REDIC1: variants seen among roughly 807,000 people sequenced by gnomAD.
REDIC1 encodes the protein regulator of DNA class I crossover intermediates 1, also known as HEI10 Interacting Protein 1.
At chr12:39,696,685 G>T in the REDIC1 span, among the ~76,000 whole-genome samples, 1 of 148,470 alleles carries the variant, frequency 6.7e-6, no homozygotes, top group Non-Finnish European at 1.5e-5. Flanking sequence ...ATAACAAAGA[G>T]AAGGAATTCA....
the REDIC1 span, among the ~76,000 whole-genome samples, chr12:39,870,484 A>T: frequency 6.6e-6 from 1 of 152,194 alleles, no homozygotes; most frequent in African/African-American, 2.4e-5. Context: ...TTAAGTAAAA[A>T]TCTGTGTCCT....
the REDIC1 span, chr12:39,907,982 C>A: frequency 1.3e-5 from 2 of 152,016 alleles, no homozygotes; most frequent in African/African-American, 2.4e-5. Flanking sequence ...ATGGTGGGAG[C>A]CACATAGGAA....
chr12:39,890,663 T>C, the REDIC1 span, among the ~76,000 whole-genome samples: 1 of 152,184 alleles, frequency 6.6e-6, no homozygotes, highest in Non-Finnish European at 1.5e-5. Context: ...ACTGTATATA[T>C]GTATTGAAAC....
chr12:39,799,362 G>A, the REDIC1 span, among the ~76,000 whole-genome samples: 3 of 146,766 alleles, frequency 2.0e-5, no homozygotes, highest in Non-Finnish European at 3.0e-5. Flanking sequence ...TGCCTACCTC[G>A]ACCTTCCAAA....
the REDIC1 span, among the ~76,000 whole-genome samples, chr12:39,738,082 G>A: frequency 3.9e-5 from 6 of 152,148 alleles, no homozygotes; most frequent in African/African-American, 1.4e-4. Flanking sequence ...ATTAAGATTT[G>A]TAAGAATGAA....
At chr12:39,649,943 T>G in the REDIC1 span, among the ~76,000 whole-genome samples, 1 of 152,006 alleles carries the variant, frequency 6.6e-6, no homozygotes, top group Admixed American at 6.6e-5. Context: ...AAGATCTTGG[T>G]GTCCTGGGTG....
chr12:39,685,849 T>A, the REDIC1 span, among the ~76,000 whole-genome samples: 1 of 152,304 alleles, frequency 6.6e-6, no homozygotes. Context: ...TGGGTAAATA[T>A]TTACATTCCA....
chr12:39,893,312 T>C, the REDIC1 span, among the ~76,000 whole-genome samples: 2 of 152,248 alleles, frequency 1.3e-5, no homozygotes, highest in African/African-American at 2.4e-5. Context: ...TCTTTTCTTT[T>C]CTTTTGAGAT....
At chr12:39,658,462 C>T in the REDIC1 span, among the ~76,000 whole-genome samples, 1 of 152,106 alleles carries the variant, frequency 6.6e-6, no homozygotes, top group South Asian at 2.1e-4. Context: ...GTATTTGGTT[C>T]CCAGAAACTA....
chr12:39,834,467 T>C, the REDIC1 span, among the ~76,000 whole-genome samples: 1 of 152,086 alleles, frequency 6.6e-6, no homozygotes, highest in Non-Finnish European at 1.5e-5. Context: ...AGTTATTTTC[T>C]TCCCTTTATC....
the REDIC1 span, among the ~76,000 whole-genome samples, chr12:39,825,139 A>G: frequency 6.6e-6 from 1 of 152,312 alleles, no homozygotes; most frequent in South Asian, 2.1e-4. Context: ...TTACAGAGCT[A>G]AAGTGCTGTA....
the REDIC1 span, among the ~76,000 whole-genome samples, chr12:39,712,074 CGGTATGTATATATACATACATATA>C: frequency 6.6e-5 from 3 of 45,526 alleles, no homozygotes; most frequent in African/African-American, 1.9e-4. Context: ...GTATATATAC[CGGTATGTATATATACATACATATA>C]TACCTGTATA....
At chr12:39,698,069 T>C in the REDIC1 span, among the ~76,000 whole-genome samples, 21 of 152,092 alleles carry the variant, frequency 1.4e-4, no homozygotes, top group South Asian at 2.9e-3. Flanking sequence ...AAAAAGATAT[T>C]CCAAGCCAAT....
chr12:39,869,000 ATAG>A, the REDIC1 span, among the ~76,000 whole-genome samples: 1 of 152,210 alleles, frequency 6.6e-6, no homozygotes, highest in African/African-American at 2.4e-5. Context: ...AAAATAAATC[ATAG>A]TAAGAACACA....
chr12:39,764,721 CAA>C, the REDIC1 span: 6 of 1,610,598 alleles, frequency 3.7e-6, no homozygotes, highest in Non-Finnish European at 5.1e-6. Context: ...AACAGTATAA[CAA>C]AGTCTTTGTT....
At chr12:39,762,628 C>T in the REDIC1 span, among the ~76,000 whole-genome samples, 1 of 151,820 alleles carries the variant, frequency 6.6e-6, no homozygotes, top group Non-Finnish European at 1.5e-5. Flanking sequence ...AAGGAGGCAA[C>T]AAAGAAGACA....
chr12:39,688,155 G>T, the REDIC1 span, among the ~76,000 whole-genome samples: 1 of 152,148 alleles, frequency 6.6e-6, no homozygotes, highest in African/African-American at 2.4e-5. Flanking sequence ...ACTCTGCAAG[G>T]TACAGAGATG....
chr12:39,659,664 GA>G, the REDIC1 span, among the ~76,000 whole-genome samples: 1 of 121,508 alleles, frequency 8.2e-6, no homozygotes, highest in African/African-American at 3.3e-5. Context: ...CTGTCTCCTT[GA>G]ATACAGGAAA....
chr12:39,762,087 T>C, the REDIC1 span, among the ~76,000 whole-genome samples: 6 of 152,060 alleles, frequency 3.9e-5, no homozygotes, highest in African/African-American at 1.4e-4. Context: ...TTACAAAATC[T>C]GAGGAATCCA....
Sources: gnomAD v4.1 joint callset for allele counts (sites outside exome capture counted in the v4.1 genomes callset) on GRCh38, gnomAD v4.1.1 for gene constraint, MANE v1.5 for transcripts, NCBI Gene and HGNC (gene_info 2026-07-23, HGNC 2026-07-21) for gene names.